MEGF10: variants seen among roughly 807,000 people sequenced by gnomAD.
The protein encoded by MEGF10 is multiple epidermal growth factor-like domains protein 10.
In MEGF10, 86 loss-of-function variants were observed where a neutral mutation model predicts 147.5. The ratio of observed to expected loss-of-function variants is 0.58; its 90% CI spans 0.49 to 0.70. The LOEUF is 0.70. MEGF10 is among the 30% of genes least tolerant of loss of function. The pLI, the probability that MEGF10 is intolerant of heterozygous loss-of-function variation, is 0.00. For synonymous variants in MEGF10, 478 were observed against 525.5 expected (o/e 0.91, Z 1.24); for missense variants, 1,329 against 1,487.3 (o/e 0.89, Z 1.75).
At chr5:127,320,242 C>T (rs1430370212) in intron 1 of MEGF10, among the ~76,000 whole-genome samples, 2 of 152,160 alleles carry the variant, frequency 1.3e-5, no homozygotes, top group African/African-American at 2.4e-5. Context: ...GAATTTACCC[C>T]TGTCATTGTC....
intron 13 of MEGF10, among the ~76,000 whole-genome samples, chr5:127,425,729 TTA>T: frequency 6.6e-6 from 1 of 152,276 alleles, no homozygotes; most frequent in Admixed American, 6.5e-5. Context: ...TTGTTTAGGG[TTA>T]GTACCCTGTT....
chr5:127,363,973 T>C (rs1762568119), intron 4 of MEGF10, among the ~76,000 whole-genome samples: 1 of 151,902 alleles, frequency 6.6e-6, no homozygotes, highest in African/African-American at 2.4e-5. Flanking sequence ...AAGCAGCTGT[T>C]TTTGGGCACT....
At position 127,459,091 on chromosome 5, in the gene MEGF10, A is replaced by G. The variant is rs1305085335; in HGVS notation, c.*1773A>G. 6.6e-6 allele frequency: 1 copy of G among 152,232 alleles called. No homozygotes were observed. Among genetic ancestry groups the G allele is most frequent in the Non-Finnish European group, 1.5e-5 (1 of 68,040 alleles). The allele number at this position is 152,232 out of a possible 1,614,324, so 9.4% of individuals were successfully genotyped here. A position where few individuals can be genotyped will look rare whatever the true frequency, so the allele number is the denominator to read the frequency against. The stretch of plus-strand genomic sequence containing the variant: ...CAATCTTTTAAAGACATGAAATCCT[A>G]TATGGCATTCTGTCTCAGTGAGTCA... On this transcript the variant is annotated 3_prime_UTR_variant, in exon 25 of 25. Coordinates refer to ENST00000503335, the MANE Select transcript of MEGF10 (RefSeq NM_001256545.2).
the MEGF10 span, among the ~76,000 whole-genome samples, chr5:127,279,928 A>G: frequency 3.9e-5 from 6 of 152,210 alleles, no homozygotes; most frequent in Non-Finnish European, 8.8e-5. Context: ...TGATCTGATC[A>G]ATCTATTTGT....
intron 24 of MEGF10, among the ~76,000 whole-genome samples, chr5:127,456,353 A>T (rs1225483133): frequency 6.6e-6 from 1 of 152,224 alleles, no homozygotes; most frequent in African/African-American, 2.4e-5. Context: ...TCTTTTGCAG[A>T]TACCACTTGG....
Position 127,457,407 on chromosome 5 carries a change from A to C in MEGF10, c.*89A>C. 1 of 1,391,164 alleles carries C rather than the reference A, an allele frequency of 7.2e-7. No homozygotes were observed. Among genetic ancestry groups the C allele is most frequent in the Non-Finnish European group, 9.6e-7 (1 of 1,043,234 alleles). 86.2% of individuals were successfully genotyped at this position (1,391,164 alleles called of 1,614,324 possible). A position where few individuals can be genotyped will look rare whatever the true frequency, so the allele number is the denominator to read the frequency against. On this transcript the variant is annotated 3_prime_UTR_variant, in exon 25 of 25. Transcript: ENST00000503335. ...TCCTCAATTTTGCCACTTTCATGTGAATGTTAGTCAATTCGGTGGGCAATT... is the reference window on the plus strand; with the variant it reads ...TCCTCAATTTTGCCACTTTCATGTGCATGTTAGTCAATTCGGTGGGCAATT...
intron 22 of MEGF10, 85 bp from the exon 23 acceptor site, chr5:127,454,481 T>G (rs1766278198): frequency 8.2e-7 from 1 of 1,222,624 alleles, no homozygotes; most frequent in Non-Finnish European, 1.2e-6. Context: ...CAGTGGGAGA[T>G]CCTCTTCCAG....
intron 1 of MEGF10, among the ~76,000 whole-genome samples, chr5:127,309,267 T>C (rs951705970): frequency 5.3e-5 from 8 of 152,260 alleles, no homozygotes; most frequent in Admixed American, 3.3e-4. Flanking sequence ...TTTTAGACTT[T>C]GTAAAATATT....
chr5:127,400,034 G>T (rs1008403234), intron 7 of MEGF10, among the ~76,000 whole-genome samples: 1 of 152,220 alleles, frequency 6.6e-6, no homozygotes, highest in South Asian at 2.1e-4. Context: ...GCCAGACCTG[G>T]TAGTAGAATT....
In MEGF10 at chr5:127,370,873, C is replaced by CG. The variant is rs1244937965; in HGVS notation, c.412+871_412+872insG. Among the ~76,000 whole-genome samples, 5 of 152,274 alleles carry CG rather than the reference C, an allele frequency of 3.3e-5. No homozygotes were observed. In the East Asian group the frequency reaches 9.6e-4, roughly 29 times the overall value. On this transcript the variant is annotated intron_variant, in intron 5 of 24. Coordinates refer to ENST00000503335, the MANE Select transcript of MEGF10 (RefSeq NM_001256545.2). Reference sequence around the variant, plus strand: ...CTAAATTGTAATGCGTGAAACATTACATTTTGAAAAAGGAAGCCATCGTTT... The same window carrying CG: ...CTAAATTGTAATGCGTGAAACATTACGATTTTGAAAAAGGAAGCCATCGTTT...
At chr5:127,265,441 G>A in the MEGF10 span, among the ~76,000 whole-genome samples, 2 of 151,976 alleles carry the variant, frequency 1.3e-5, no homozygotes, top group African/African-American at 2.4e-5. Context: ...ACCCAGTAAT[G>A]GGATGGCTGG....
the MEGF10 span, among the ~76,000 whole-genome samples, chr5:127,282,970 G>A: frequency 6.6e-6 from 1 of 152,216 alleles, no homozygotes; most frequent in Non-Finnish European, 1.5e-5. Flanking sequence ...TCAGCTCTGA[G>A]ACTATGGCTT....
At chr5:127,387,135 T>A (rs1288940587) in intron 5 of MEGF10, among the ~76,000 whole-genome samples, 19 of 152,232 alleles carry the variant, frequency 1.2e-4, no homozygotes, top group Admixed American at 1.2e-3. Context: ...TGAGTTCATC[T>A]ATTTTTATCA....
chr5:127,447,456 C>T lies in MEGF10; in HGVS notation c.2729-101C>T, dbSNP rs1337602899. On this transcript the variant is annotated intron_variant, in intron 20 of 24. Coordinates refer to ENST00000503335, the MANE Select transcript of MEGF10 (RefSeq NM_001256545.2). ...CCTCCCAAAGTGCTGGGATTACAGG[C>T]GTGAGCCACCTCGCTGGGCCTGTTT... The T allele has an allele frequency of 4.5e-5, 68 of 1,515,290 alleles. No individual in the cohort carries two copies. In the East Asian group the frequency reaches 9.6e-4, roughly 21 times the overall value. The allele number at this position is 1,515,290 out of a possible 1,614,324, so 93.9% of individuals were successfully genotyped here. A position where few individuals can be genotyped will look rare whatever the true frequency, so the allele number is the denominator to read the frequency against.
chr5:127,430,180 G>A (rs996884139), intron 13 of MEGF10, among the ~76,000 whole-genome samples: 9 of 152,146 alleles, frequency 5.9e-5, no homozygotes, highest in African/African-American at 1.9e-4. Flanking sequence ...TCACCCTGGG[G>A]TTACATTTTT....
At chr5:127,371,684 C>T (rs1250286540) in intron 5 of MEGF10, among the ~76,000 whole-genome samples, 1 of 152,132 alleles carries the variant, frequency 6.6e-6, no homozygotes, top group African/African-American at 2.4e-5. Flanking sequence ...AAACAAAAGC[C>T]TACATGGGTT....
intron 4 of MEGF10, among the ~76,000 whole-genome samples, chr5:127,369,678 G>A (rs1351085632): frequency 6.6e-6 from 1 of 152,160 alleles, no homozygotes; most frequent in Non-Finnish European, 1.5e-5. Context: ...TTAGCATGAA[G>A]TAGAATAGAA....
At chr5:127,263,191 T>C in the MEGF10 span, among the ~76,000 whole-genome samples, 3 of 151,840 alleles carry the variant, frequency 2.0e-5, no homozygotes, top group Non-Finnish European at 2.9e-5. Flanking sequence ...TATTTTAGAC[T>C]GAATATTAGA....
chr5:127,340,685 G>T lies in MEGF10; in HGVS notation c.319+55G>T. The T allele has an allele frequency of 2.1e-6, 3 of 1,451,254 alleles. No homozygotes were observed. The South Asian group carries it at 3.4e-5, about 17-fold the overall frequency. 89.9% of individuals were successfully genotyped at this position (1,451,254 alleles called of 1,614,324 possible). A position where few individuals can be genotyped will look rare whatever the true frequency, so the allele number is the denominator to read the frequency against. ...CGCTAGTTTTTCCCAGTGCTGGTTT[G>T]CTTCCATTAATAGCAGCTGAGACAG... On this transcript the variant is annotated intron_variant, in intron 4 of 24. Coordinates refer to ENST00000503335, the MANE Select transcript of MEGF10 (RefSeq NM_001256545.2).
Sources: allele counts gnomAD v4.1 joint callset (sites outside exome capture counted in the v4.1 genomes callset), GRCh38; gene constraint gnomAD v4.1.1; transcripts MANE v1.5; gene names NCBI Gene and HGNC (gene_info 2026-07-23, HGNC 2026-07-21).